The following TTBK2 variants were observed in gnomAD, a reference collection of about 807,000 sequenced individuals.
TTBK2 encodes tau-tubulin kinase 2.
A neutral mutation model predicts 110.8 loss-of-function variants in TTBK2; 28 were observed. The ratio of observed to expected loss-of-function variants is 0.25; its 90% confidence interval spans 0.19 to 0.35. The LOEUF is 0.35. Ranked by LOEUF, TTBK2 falls within the 10% of genes least tolerant of loss-of-function variation. TTBK2 has a pLI of 1.00. For missense variants in TTBK2, 1,369 were observed against 1,500.3 expected, an observed-to-expected ratio of 0.91 and a Z score of 1.45; for synonymous variants, 532 against 527.3, an observed-to-expected ratio of 1.01 and a Z score of -0.12.
rs1280226512 is a variant in TTBK2 at position 42,742,909 on chromosome 15, A to C, written c.*2886T>G. On this transcript the variant is annotated 3_prime_UTR_variant, in exon 15 of 15. Transcript: ENST00000267890. ...GAACTAAAAAACACAACCAAACCAA[A>C]TCAAACCAAAAACCTCATTCTCTGT... The C allele has an allele frequency of 1.3e-5, 2 of 152,158 alleles. No homozygotes were observed. The highest frequency in any genetic ancestry group is 2.9e-5 in the Non-Finnish European group (2 of 68,024). 9.4% of individuals were successfully genotyped at this position (152,158 alleles called of 1,614,324 possible).
chr15:42,815,875 A>AATATAT (rs1325792852), intron 7 of TTBK2, among the ~76,000 whole-genome samples: 1 of 111,844 alleles, frequency 8.9e-6, no homozygotes, highest in Non-Finnish European at 1.6e-5. Context: ...TATATATTTA[A>AATATAT]ATATATATAT....
intron 1 of TTBK2, among the ~76,000 whole-genome samples, chr15:42,884,907 AC>A (rs1245691967): frequency 4.6e-5 from 7 of 151,162 alleles, no homozygotes; most frequent in African/African-American, 1.7e-4. Context: ...GTTTCCCCCC[AC>A]CCTTAATAAG....
chr15:42,879,012 T>C (rs1191751153), intron 1 of TTBK2, among the ~76,000 whole-genome samples: 1 of 152,216 alleles, frequency 6.6e-6, no homozygotes, highest in Admixed American at 6.5e-5. Context: ...GAGAACAATA[T>C]ACTGCTGAAA....
Position 42,830,086 on chromosome 15 carries a change from A to T in TTBK2, c.292-8T>A. ...ATCTGCCAGATTCCGACCCTATGGA[A>T]ATCAAATAAACACTTTCAAATACAG... On this transcript the variant is annotated splice_region_variant and splice_polypyrimidine_tract_variant and intron_variant, in intron 4 of 14. Transcript: ENST00000267890. 6.2e-7 allele frequency: 1 copy of T among 1,614,170 alleles called. No homozygotes were observed. Among genetic ancestry groups the T allele is most frequent in the Non-Finnish European group, 8.5e-7 (1 of 1,180,014 alleles).
intron 1 of TTBK2, among the ~76,000 whole-genome samples, chr15:42,884,365 C>T (rs142301748): frequency 6.0e-4 from 92 of 152,250 alleles, no homozygotes; most frequent in South Asian, 1.0e-3. Context: ...TCTTGTTCAG[C>T]GCTCATAAAG....
intron 3 of TTBK2, among the ~76,000 whole-genome samples, chr15:42,842,156 A>C (rs1035875653): frequency 6.6e-6 from 1 of 152,140 alleles, no homozygotes; most frequent in African/African-American, 2.4e-5. Flanking sequence ...TCAGCCTCCC[A>C]AAGTGCTGGG....
chr15:42,812,371 G>T (rs1891760449), intron 7 of TTBK2, among the ~76,000 whole-genome samples: 1 of 151,968 alleles, frequency 6.6e-6, no homozygotes, highest in South Asian at 2.1e-4. Flanking sequence ...TAAAAAAATT[G>T]TCCTGGGAAT....
chr15:42,816,069 TAAAA>T (rs1233455781), intron 7 of TTBK2, among the ~76,000 whole-genome samples: 39 of 89,966 alleles, frequency 4.3e-4, no homozygotes, highest in African/African-American at 9.1e-4. Flanking sequence ...TATATATATA[TAAAA>T]ATAAATAAAT....
At chr15:42,794,843 CAT>C in intron 9 of TTBK2, 42 bp from the exon 10 acceptor site, 1 of 1,606,856 alleles carries the variant, frequency 6.2e-7, no homozygotes, top group Non-Finnish European at 8.5e-7. Flanking sequence ...GAACAGTAAA[CAT>C]AGTCACTTTA....
At chr15:42,905,300 G>A (rs1169026623) in intron 1 of TTBK2, among the ~76,000 whole-genome samples, 1 of 152,122 alleles carries the variant, frequency 6.6e-6, no homozygotes, top group Non-Finnish European at 1.5e-5. Context: ...TCGAGACAGG[G>A]CCTCACTCTG....
chr15:42,914,815 A>G (rs918297159), intron 1 of TTBK2, among the ~76,000 whole-genome samples: 1 of 152,224 alleles, frequency 6.6e-6, no homozygotes, highest in African/African-American at 2.4e-5. Flanking sequence ...ACTGTGGCTG[A>G]TGAAACAGAA....
intron 9 of TTBK2, chr15:42,801,509 C>T: frequency 1.3e-6 from 1 of 768,442 alleles, no homozygotes; most frequent in South Asian, 1.3e-5. Flanking sequence ...AGTCTTTGCA[C>T]ACCACAGGTC....
intron 9 of TTBK2, chr15:42,801,825 G>A (rs1311369149): frequency 6.9e-6 from 6 of 875,048 alleles, no homozygotes; most frequent in Middle Eastern, 2.1e-4. Flanking sequence ...CATACTCCTT[G>A]ATGAGCACAA....
chr15:42,760,384 C>CAAA (rs3036888), intron 13 of TTBK2, among the ~76,000 whole-genome samples: 3 of 89,164 alleles, frequency 3.4e-5, no homozygotes, highest in Admixed American at 1.4e-4. Flanking sequence ...GACTCCATCT[C>CAAA]AAAAAAAAAA....
chr15:42,755,011 GAAAA>G (rs71431863), intron 13 of TTBK2, among the ~76,000 whole-genome samples: 1 of 69,848 alleles, frequency 1.4e-5, no homozygotes, highest in African/African-American at 6.2e-5. Flanking sequence ...TCCATCTCAG[GAAAA>G]AAAAAAAAAA....
chr15:42,797,321 G>C (rs1455803529), intron 9 of TTBK2, among the ~76,000 whole-genome samples: 1 of 152,196 alleles, frequency 6.6e-6, no homozygotes, highest in African/African-American at 2.4e-5. Flanking sequence ...ATCTGTCACA[G>C]TATTGTATGT....
intron 1 of TTBK2, among the ~76,000 whole-genome samples, chr15:42,897,128 C>T (rs1266855615): frequency 1.3e-5 from 2 of 152,110 alleles, no homozygotes; most frequent in Non-Finnish European, 2.9e-5. Context: ...TCACCCGCCT[C>T]GGCCTCCCAA....
At chr15:42,845,337 T>C (rs1893403518) in intron 3 of TTBK2, among the ~76,000 whole-genome samples, 1 of 152,072 alleles carries the variant, frequency 6.6e-6, no homozygotes, top group African/African-American at 2.4e-5. Flanking sequence ...CTTCCTTGGA[T>C]ACCAAAATCC....
At chr15:42,820,600 T>A (rs1892247931) in intron 6 of TTBK2, among the ~76,000 whole-genome samples, 1 of 152,188 alleles carries the variant, frequency 6.6e-6, no homozygotes, top group Non-Finnish European at 1.5e-5. Flanking sequence ...TCAGTGTTTG[T>A]GACAGCAAAA....
Sources: allele counts gnomAD v4.1 joint callset (sites outside exome capture counted in the v4.1 genomes callset), GRCh38; gene constraint gnomAD v4.1.1; transcripts MANE v1.5; gene names NCBI Gene and HGNC (gene_info 2026-07-23, HGNC 2026-07-21).